The following NCAM2 variants were observed in gnomAD, a reference collection of about 807,000 sequenced individuals.
The protein encoded by NCAM2 is N-CAM-2.
A neutral mutation model predicts 98.1 loss-of-function variants in NCAM2; 30 were observed. That is an observed-to-expected ratio of 0.31 (90% CI 0.23 to 0.41). The LOEUF (loss-of-function observed/expected upper bound fraction) is 0.41. Among genes scored for constraint, NCAM2 ranks in the 10% least tolerant of loss-of-function variants. The probability of loss-of-function intolerance (pLI) is 1.00; values close to 1 mark genes in which losing one functional copy is unlikely to be tolerated. For synonymous variants in NCAM2, 368 were observed against 342.4 expected (o/e 1.07, Z -0.83); for missense variants, 867 against 1,005.8 (o/e 0.86, Z 1.87).
intron 1 of NCAM2, among the ~76,000 whole-genome samples, chr21:21,254,957 G>A (rs1349614559): frequency 6.9e-6 from 1 of 144,984 alleles, no homozygotes; most frequent in Admixed American, 6.8e-5. Flanking sequence ...CTATGTGTGT[G>A]TGTGTGTGTG....
intron 1 of NCAM2, among the ~76,000 whole-genome samples, chr21:21,238,080 C>G (rs1018732325): frequency 6.6e-6 from 1 of 151,512 alleles, no homozygotes; most frequent in East Asian, 2.0e-4. Context: ...CTCAGCCTCC[C>G]AAGTAGCTGG....
chr21:21,179,199 C>G (rs1284808017), intron 1 of NCAM2, among the ~76,000 whole-genome samples: 1 of 151,722 alleles, frequency 6.6e-6, no homozygotes, highest in Admixed American at 6.6e-5. Context: ...TGAATTTAAG[C>G]TTATGAACCT....
chr21:21,446,004 G>A (rs1368980799), intron 12 of NCAM2, among the ~76,000 whole-genome samples: 1 of 152,080 alleles, frequency 6.6e-6, no homozygotes, highest in African/African-American at 2.4e-5. Flanking sequence ...GCTTCCTTCA[G>A]GAGCTTTTGC....
intron 1 of NCAM2, among the ~76,000 whole-genome samples, chr21:21,264,860 G>A (rs1227113964): frequency 1.0e-4 from 14 of 133,346 alleles, no homozygotes; most frequent in African/African-American, 3.2e-4. Flanking sequence ...ACGCACACAC[G>A]TGTGTGTGTG....
At chr21:21,103,050 T>G (rs1237203588) in intron 1 of NCAM2, among the ~76,000 whole-genome samples, 1 of 152,062 alleles carries the variant, frequency 6.6e-6, no homozygotes, top group Non-Finnish European at 1.5e-5. Context: ...AGACCCAGAC[T>G]AAGAGAGCTT....
intron 1 of NCAM2, among the ~76,000 whole-genome samples, chr21:21,088,288 A>G (rs1296531181): frequency 2.0e-5 from 3 of 152,198 alleles, no homozygotes. Flanking sequence ...AAAGCCAGAT[A>G]TTAGGTTATG....
chr21:21,387,182 A>C (rs1442517132), intron 9 of NCAM2, among the ~76,000 whole-genome samples: 1 of 72,782 alleles, frequency 1.4e-5, no homozygotes, highest in South Asian at 4.2e-4. Flanking sequence ...GTGCGCACAC[A>C]CACATACACA....
intron 1 of NCAM2, among the ~76,000 whole-genome samples, chr21:21,088,633 A>G (rs8128171): frequency 0.23 from 34,762 of 151,910 alleles, 4,639 homozygotes; most frequent in African/African-American, 0.37. Flanking sequence ...GATAAAATAT[A>G]GGGGGTTGTT....
intron 1 of NCAM2, among the ~76,000 whole-genome samples, chr21:21,262,772 AT>A (rs1429988979): frequency 1.3e-5 from 2 of 152,112 alleles, no homozygotes; most frequent in Admixed American, 1.3e-4. Flanking sequence ...AATTAACAAA[AT>A]AAAGATATTT....
chr21:21,066,639 ATGTATTTTAGGT>A (rs1458476652), intron 1 of NCAM2, among the ~76,000 whole-genome samples: 2 of 152,120 alleles, frequency 1.3e-5, no homozygotes, highest in African/African-American at 4.8e-5. Context: ...TTTTCCAATG[ATGTATTTTAGGT>A]TGTTGGCTTT....
intron 15 of NCAM2, 55 bp from the exon 16 acceptor site, chr21:21,508,796 A>G (rs1377476906): frequency 6.8e-6 from 8 of 1,170,702 alleles, no homozygotes; most frequent in Non-Finnish European, 9.2e-6. Flanking sequence ...TAGAGGTTTA[A>G]TACTTTTTTT....
At chr21:21,074,952 G>A (rs1601290187) in intron 1 of NCAM2, among the ~76,000 whole-genome samples, 1 of 152,194 alleles carries the variant, frequency 6.6e-6, no homozygotes. Flanking sequence ...GCCCATCAGT[G>A]ATAAAGAGGA....
At chr21:21,462,359 T>G (rs1186546727) in intron 12 of NCAM2, among the ~76,000 whole-genome samples, 2 of 152,084 alleles carry the variant, frequency 1.3e-5, no homozygotes, top group Admixed American at 6.6e-5. Flanking sequence ...ATAATCTTAC[T>G]TTAGAATTTT....
Position 21,418,566 on chromosome 21 carries a change from G to A in NCAM2, c.1477G>A (p.Ala493Thr), listed in dbSNP as rs754609262. 1 of 1,596,380 alleles carries A rather than the reference G, an allele frequency of 6.3e-7. No homozygotes were observed. Among genetic ancestry groups the A allele is most frequent in the Non-Finnish European group, 8.6e-7 (1 of 1,164,148 alleles). The change falls in exon 11 of 18, where the codon GCT (alanine) becomes ACT (threonine). Residue 493 changes from alanine to threonine, a missense_variant. By Grantham distance (58) the Ala-to-Thr change is moderately conservative (BLOSUM62 0). Around this residue, in one of 5 missense-constraint regions of NCAM2, gnomAD observed 234 missense variants for 333.8 expected, o/e 0.70. Transcript: ENST00000400546. ...TRFQEYILAL[A>T]DVPSSPYGVK... Reference sequence around the variant, plus strand: ...ATTTCAAGAATATATTCTTGCTTTGGCTGGTAAGTATAGCACAATAATTTT... The same window carrying A: ...ATTTCAAGAATATATTCTTGCTTTGACTGGTAAGTATAGCACAATAATTTT...
At chr21:21,316,549 T>TG (rs1279122122) in intron 5 of NCAM2, among the ~76,000 whole-genome samples, 2 of 147,868 alleles carry the variant, frequency 1.4e-5, no homozygotes, top group Non-Finnish European at 3.0e-5. Context: ...TTTTTTTTTT[T>TG]TTTTGAGACA....
intron 1 of NCAM2, among the ~76,000 whole-genome samples, chr21:21,186,889 A>G (rs1251506096): frequency 1.3e-5 from 2 of 152,206 alleles, no homozygotes; most frequent in Non-Finnish European, 2.9e-5. Flanking sequence ...TTTAAAAAAG[A>G]TAATAAAATT....
At chr21:21,473,304 A>G (rs1475073437) in intron 14 of NCAM2, among the ~76,000 whole-genome samples, 1 of 147,044 alleles carries the variant, frequency 6.8e-6, no homozygotes, top group Non-Finnish European at 1.5e-5. Flanking sequence ...CTATCTGTAT[A>G]TATATATAAA....
At chr21:21,366,171 T>A (rs556609761) in intron 8 of NCAM2, among the ~76,000 whole-genome samples, 2 of 152,034 alleles carry the variant, frequency 1.3e-5, no homozygotes, top group African/African-American at 2.4e-5. Context: ...TTTGGGAGAT[T>A]TACGTAAAAA....
chr21:21,504,779 T>G (rs1987870787), intron 15 of NCAM2, among the ~76,000 whole-genome samples: 1 of 151,754 alleles, frequency 6.6e-6, no homozygotes, highest in South Asian at 2.1e-4. Flanking sequence ...ACTTATAAAC[T>G]TATTATTTTT....
Sources: allele counts gnomAD v4.1 joint callset (sites outside exome capture counted in the v4.1 genomes callset), GRCh38; gene constraint gnomAD v4.1.1; regional missense constraint gnomAD v4.1.1; transcripts MANE v1.5; gene names NCBI Gene and HGNC (gene_info 2026-07-23, HGNC 2026-07-21).